The following GBE1 variants were observed in gnomAD, a reference collection of about 807,000 sequenced individuals.
GBE1 encodes the protein 1,4-alpha-glucan-branching enzyme.
In GBE1, 70 loss-of-function variants were observed where a neutral mutation model predicts 88.8. That is an observed-to-expected ratio of 0.79 (90% CI 0.65 to 0.96). The LOEUF is 0.96. GBE1 is among the 40% of genes least tolerant of loss of function. The pLI, the probability that GBE1 is intolerant of heterozygous loss-of-function variation, is 0.00. For missense variants in GBE1, 872 were observed against 871.0 expected, an observed-to-expected ratio of 1.00 and a Z score of -0.01; for synonymous variants, 284 against 300.1, an observed-to-expected ratio of 0.95 and a Z score of 0.56.
intron 7 of GBE1, among the ~76,000 whole-genome samples, chr3:81,619,228 T>TA (rs1284610700): frequency 2.0e-5 from 3 of 151,968 alleles, no homozygotes; most frequent in South Asian, 2.1e-4. Flanking sequence ...ATTCATTCTA[T>TA]AAAAAAAATT....
chr3:81,527,684 T>C (rs1381023622), intron 14 of GBE1, among the ~76,000 whole-genome samples: 1 of 152,030 alleles, frequency 6.6e-6, no homozygotes, highest in Non-Finnish European at 1.5e-5. Context: ...CTCACACCAG[T>C]TTGAATGGTG....
In GBE1 at chr3:81,608,151, G is replaced by C. The variant is rs116475284; in HGVS notation, c.993-14128C>G. 5.9e-3 allele frequency among the ~76,000 whole-genome samples: 893 copies of C among 152,164 alleles called. 6 individuals are homozygous for C. Among genetic ancestry groups the C allele is most frequent in the African/African-American group, 0.017 (705 of 41,500 alleles). On this transcript the variant is annotated intron_variant, in intron 7 of 15. Coordinates refer to ENST00000429644, the MANE Select transcript of GBE1 (RefSeq NM_000158.4). ...TGTCACTATTCATATAACTATCAAG[G>C]GTTTTCTGGGTCAGTGTTCAACTTT... is the stretch of plus-strand genomic sequence containing the variant.
chr3:81,737,406 T>C (rs1394610267), intron 1 of GBE1, among the ~76,000 whole-genome samples: 1 of 32,202 alleles, frequency 3.1e-5, no homozygotes, highest in Non-Finnish European at 5.9e-5. Flanking sequence ...AATATATTTT[T>C]ATATATTTAT....
In GBE1 at chr3:81,701,465, T is replaced by C. The variant is rs150299385; in HGVS notation, c.313+3979A>G. On this transcript the variant is annotated intron_variant, in intron 2 of 15. Transcript: ENST00000429644. ...GCAAGGTTCAAATGCCTTTTGAAAT[T>C]AACAGTAATTTTCTGAAATAAATAA... is the stretch of plus-strand genomic sequence containing the variant. Among the ~76,000 whole-genome samples the C allele has an allele frequency of 7.9e-5, 12 of 152,146 alleles. No individual in the cohort carries two copies. In the East Asian group the frequency reaches 2.1e-3, roughly 27 times the overall value.
chr3:81,741,000 A>G (rs1270222263), intron 1 of GBE1, among the ~76,000 whole-genome samples: 2 of 152,182 alleles, frequency 1.3e-5, no homozygotes, highest in East Asian at 3.8e-4. Flanking sequence ...CACAGAGCCA[A>G]CATAAGTCAT....
rs978009010 is a variant in GBE1, at chr3:81,636,816, C to T, written c.992+5965G>A. Among the ~76,000 whole-genome samples the T allele has an allele frequency of 3.9e-5, 6 of 152,176 alleles. No individual in the cohort carries two copies. The South Asian group carries it at 6.2e-4, about 16-fold the overall frequency. ...AAATGCCGGGATTACAGGTGTGAGC[C>T]GCCATGTCCAGCCATCATTTGTTTT... On this transcript the variant is annotated intron_variant, in intron 7 of 15. Transcript: ENST00000429644.
At chr3:81,531,862 T>C (rs576489344) in intron 14 of GBE1, among the ~76,000 whole-genome samples, 2 of 152,116 alleles carry the variant, frequency 1.3e-5, no homozygotes, top group South Asian at 2.1e-4. Flanking sequence ...TAGTGTGCAG[T>C]GTTGGGTCTA....
At chr3:81,696,843 T>C (rs1705603692) in intron 2 of GBE1, among the ~76,000 whole-genome samples, 1 of 152,172 alleles carries the variant, frequency 6.6e-6, no homozygotes, top group East Asian at 1.9e-4. Context: ...CAATTCAAAA[T>C]CTACTTTCTA....
chr3:81,537,474 C>A (rs1703093004), intron 12 of GBE1, among the ~76,000 whole-genome samples: 1 of 152,014 alleles, frequency 6.6e-6, no homozygotes, highest in South Asian at 2.1e-4. Flanking sequence ...CTGTACAATT[C>A]TTGACAATTT....
intron 11 of GBE1, among the ~76,000 whole-genome samples, chr3:81,579,666 C>T (rs945040357): frequency 6.6e-6 from 1 of 151,882 alleles, no homozygotes; most frequent in Non-Finnish European, 1.5e-5. Context: ...CCCTCCCCAC[C>T]CCCACCACTC....
At chr3:81,633,681 G>C (rs1289854365) in intron 7 of GBE1, among the ~76,000 whole-genome samples, 1 of 152,068 alleles carries the variant, frequency 6.6e-6, no homozygotes, top group Non-Finnish European at 1.5e-5. Context: ...TATACTAATA[G>C]TTGAGGTTTA....
intron 9 of GBE1, among the ~76,000 whole-genome samples, chr3:81,587,067 G>A (rs554865592): frequency 3.3e-5 from 5 of 152,162 alleles, no homozygotes; most frequent in Admixed American, 2.0e-4. Context: ...CTCCCAAAGT[G>A]CTGCGACAAC....
chr3:81,628,279 AGGTGCAGC>A (rs1336551952), intron 7 of GBE1, among the ~76,000 whole-genome samples: 1 of 152,164 alleles, frequency 6.6e-6, no homozygotes, highest in East Asian at 1.9e-4. Context: ...CAAGGTGACC[AGGTGCAGC>A]ATAGTCTCTA....
intron 1 of GBE1, among the ~76,000 whole-genome samples, chr3:81,732,864 C>A (rs903344358): frequency 7.2e-5 from 11 of 152,138 alleles, no homozygotes; most frequent in Non-Finnish European, 1.6e-4. Flanking sequence ...TTACAGCAAT[C>A]TACAAGTATT....
At chr3:81,612,947 T>TGATGATGAC in intron 7 of GBE1, 1 of 391,136 alleles carries the variant, frequency 2.6e-6, no homozygotes. Context: ...AAGATGATGA[T>TGATGATGAC]GATGATGACG....
intron 1 of GBE1, among the ~76,000 whole-genome samples, chr3:81,732,054 A>G (rs1443060765): frequency 6.6e-6 from 1 of 152,192 alleles, no homozygotes; most frequent in Non-Finnish European, 1.5e-5. Flanking sequence ...TCAGACAATG[A>G]TTACATCACC....
intron 12 of GBE1, among the ~76,000 whole-genome samples, chr3:81,563,555 ATTAAT>A (rs1703449214): frequency 6.6e-6 from 1 of 152,096 alleles, no homozygotes; most frequent in South Asian, 2.1e-4. Context: ...CCCATTGTAT[ATTAAT>A]TTATCTTTAT....
chr3:81,624,679 A>G (rs1704386649), intron 7 of GBE1, among the ~76,000 whole-genome samples: 1 of 152,302 alleles, frequency 6.6e-6, no homozygotes, highest in African/African-American at 2.4e-5. Flanking sequence ...TAACATGTAA[A>G]TAAATAAGAA....
At chr3:81,523,181 A>G (rs964407854) in intron 14 of GBE1, among the ~76,000 whole-genome samples, 9 of 150,282 alleles carry the variant, frequency 6.0e-5, no homozygotes, top group Non-Finnish European at 3.0e-5. Flanking sequence ...TAATACATAT[A>G]TTATTATGTA....
Sources: gnomAD v4.1 joint callset for allele counts (sites outside exome capture counted in the v4.1 genomes callset) on GRCh38, gnomAD v4.1.1 for gene constraint, MANE v1.5 for transcripts, NCBI Gene and HGNC (gene_info 2026-07-23, HGNC 2026-07-21) for gene names.